GRIA4: variants seen among roughly 807,000 people sequenced by gnomAD.
The protein encoded by GRIA4 is glutamate receptor 4.
GRIA4 carries 34 observed loss-of-function variants against 104.0 expected under a neutral mutation model. The observed-to-expected ratio is 0.33, with a 90% CI of 0.25 to 0.44. The LOEUF is 0.44. Among genes scored for constraint, GRIA4 ranks in the 20% least tolerant of loss-of-function variants. The probability of loss-of-function intolerance (pLI) is 1.00; values close to 1 mark genes in which losing one functional copy is unlikely to be tolerated. For missense variants in GRIA4, 750 were observed against 1,096.5 expected, an observed-to-expected ratio of 0.68 and a Z score of 4.46; for synonymous variants, 386 against 381.9, an observed-to-expected ratio of 1.01 and a Z score of -0.13.
intron 15 of GRIA4, among the ~76,000 whole-genome samples, chr11:105,972,582 T>C (rs1858754134): frequency 2.6e-5 from 4 of 152,166 alleles, no homozygotes; most frequent in South Asian, 2.1e-4. Flanking sequence ...CCAATTGAAA[T>C]TGTTTTAATT....
At chr11:105,790,263 A>G (rs1942156647) in intron 4 of GRIA4, among the ~76,000 whole-genome samples, 1 of 152,184 alleles carries the variant, frequency 6.6e-6, no homozygotes, top group African/African-American at 2.4e-5. Flanking sequence ...CTCACCTGTC[A>G]GAGAGACATC....
At position 105,712,934 on chromosome 11, in the gene GRIA4, A is replaced by G. The variant is rs1378216000; in HGVS notation, c.248-40047A>G. 2.0e-5 allele frequency among the ~76,000 whole-genome samples: 3 copies of G among 152,264 alleles called. No individual in the cohort carries two copies. The East Asian group carries it at 5.8e-4, about 29-fold the overall frequency. On this transcript the variant is annotated intron_variant, in intron 3 of 16. Coordinates refer to ENST00000282499, the MANE Select transcript of GRIA4 (RefSeq NM_000829.4). ...CATATTTAATTTAAATATCTCATACAAAGGCTGCATATTACCCAATGCTTT... is the reference window on the plus strand; with the variant it reads ...CATATTTAATTTAAATATCTCATACGAAGGCTGCATATTACCCAATGCTTT...
chr11:105,857,347 A>G (rs1321436661), intron 4 of GRIA4, among the ~76,000 whole-genome samples: 4 of 152,140 alleles, frequency 2.6e-5, no homozygotes, highest in African/African-American at 9.7e-5. Flanking sequence ...AAATTGTGCC[A>G]GACCAGAGAT....
intron 7 of GRIA4, among the ~76,000 whole-genome samples, chr11:105,903,243 C>A (rs2136142520): frequency 6.6e-6 from 1 of 152,278 alleles, no homozygotes; most frequent in East Asian, 1.9e-4. Flanking sequence ...GATGCATACA[C>A]ATTTGTTGGA....
At chr11:105,616,193 AT>A (rs1417630192) in intron 3 of GRIA4, among the ~76,000 whole-genome samples, 2 of 151,244 alleles carry the variant, frequency 1.3e-5, no homozygotes, top group South Asian at 2.1e-4. Context: ...TTTTAAAGTG[AT>A]TTTTTTATCT....
At chr11:105,667,541 T>C (rs1952205134) in intron 3 of GRIA4, among the ~76,000 whole-genome samples, 1 of 152,070 alleles carries the variant, frequency 6.6e-6, no homozygotes, top group Non-Finnish European at 1.5e-5. Context: ...CCTAGTTATC[T>C]CTATGCCTCC....
At chr11:105,875,845 T>TA (rs895891925) in intron 5 of GRIA4, among the ~76,000 whole-genome samples, 6 of 151,740 alleles carry the variant, frequency 4.0e-5, no homozygotes, top group Non-Finnish European at 8.8e-5. Context: ...TCTATTTTGT[T>TA]AATCTTTTAA....
At chr11:105,753,939 C>T (rs1303644812) in intron 4 of GRIA4, among the ~76,000 whole-genome samples, 2 of 152,152 alleles carry the variant, frequency 1.3e-5, no homozygotes, top group Admixed American at 6.5e-5. Flanking sequence ...GGAATCTCCT[C>T]ATGTTCAGCC....
At chr11:105,898,871 C>T (rs1403624993) in intron 7 of GRIA4, among the ~76,000 whole-genome samples, 2 of 152,054 alleles carry the variant, frequency 1.3e-5, no homozygotes, top group African/African-American at 2.4e-5. Flanking sequence ...AGGTTGTTTT[C>T]ATTGTTTTCT....
intron 9 of GRIA4, among the ~76,000 whole-genome samples, chr11:105,909,788 GA>G (rs1314571060): frequency 6.6e-6 from 1 of 151,486 alleles, no homozygotes; most frequent in Non-Finnish European, 1.5e-5. Flanking sequence ...TCATTTTTAG[GA>G]AAAAGTGTTT....
At chr11:105,963,710 A>G (rs1433268322) in intron 14 of GRIA4, among the ~76,000 whole-genome samples, 12 of 152,136 alleles carry the variant, frequency 7.9e-5, no homozygotes, top group Admixed American at 5.9e-4. Flanking sequence ...TAGAAAGACA[A>G]TGTTTTAGAA....
intron 3 of GRIA4, among the ~76,000 whole-genome samples, chr11:105,693,945 G>T (rs1016757385): frequency 2.0e-5 from 3 of 152,178 alleles, no homozygotes; most frequent in Admixed American, 6.5e-5. Flanking sequence ...GGTCTTTAAA[G>T]AATTTTGCAA....
intron 11 of GRIA4, among the ~76,000 whole-genome samples, chr11:105,921,350 T>TGTGTGTG: frequency 2.0e-5 from 3 of 150,496 alleles, no homozygotes; most frequent in Admixed American, 6.7e-5. Context: ...TGTGTGTGTG[T>TGTGTGTG]TTTAGTCCAA....
chr11:105,913,339 C>A, intron 10 of GRIA4: 1 of 617,758 alleles, frequency 1.6e-6, no homozygotes, highest in Non-Finnish European at 2.0e-6. Flanking sequence ...TGTTGTATAT[C>A]TACAATGTGA....
intron 3 of GRIA4, among the ~76,000 whole-genome samples, chr11:105,731,937 G>C (rs1045700123): frequency 6.6e-6 from 1 of 152,034 alleles, no homozygotes; most frequent in East Asian, 1.9e-4. Flanking sequence ...ATGATGGGTC[G>C]ATGGGTGCAG....
intron 4 of GRIA4, among the ~76,000 whole-genome samples, chr11:105,773,478 A>C (rs942741854): frequency 6.6e-6 from 1 of 152,184 alleles, no homozygotes; most frequent in African/African-American, 2.4e-5. Context: ...CCACACATAT[A>C]ATTAAAAATT....
At chr11:105,625,111 T>C (rs1950852843) in intron 3 of GRIA4, among the ~76,000 whole-genome samples, 1 of 152,036 alleles carries the variant, frequency 6.6e-6, no homozygotes, top group African/African-American at 2.4e-5. Context: ...GTATATGCCT[T>C]GGAAGATAGA....
chr11:105,704,701 C>G lies in GRIA4; in HGVS notation c.248-48280C>G, dbSNP rs192528133. Reference sequence around the variant, plus strand: ...CAAAAATTAAACATTCTAGAATAAACTTAAAAAGAAATGTGTAAGATTTCT... The same window carrying G: ...CAAAAATTAAACATTCTAGAATAAAGTTAAAAAGAAATGTGTAAGATTTCT... On this transcript the variant is annotated intron_variant, in intron 3 of 16. Transcript: ENST00000282499. Among the ~76,000 whole-genome samples the G allele has an allele frequency of 4.7e-3, 709 of 152,076 alleles. 4 individuals carry two copies. Among genetic ancestry groups the G allele is most frequent in the Non-Finnish European group, 7.3e-3 (497 of 67,924 alleles).
At chr11:105,658,379 C>T (rs923523256) in intron 3 of GRIA4, among the ~76,000 whole-genome samples, 12 of 151,584 alleles carry the variant, frequency 7.9e-5, no homozygotes, top group African/African-American at 2.7e-4. Flanking sequence ...TTCAGAATAA[C>T]AGGAACTGAT....
Sources: allele counts gnomAD v4.1 joint callset (sites outside exome capture counted in the v4.1 genomes callset), GRCh38; gene constraint gnomAD v4.1.1; transcripts MANE v1.5; gene names NCBI Gene and HGNC (gene_info 2026-07-23, HGNC 2026-07-21).